Variants in SGO2 observed in about 807,000 individuals in gnomAD.
SGO2 encodes shugoshin-like 2.
In SGO2, 68 loss-of-function variants were observed where a neutral mutation model predicts 99.5. The observed-to-expected ratio is 0.68, with a 90% CI of 0.56 to 0.84. The LOEUF (loss-of-function observed/expected upper bound fraction) is 0.84, where lower values mean the gene tolerates loss of function less well. Ranked by LOEUF, SGO2 falls within the 40% of genes least tolerant of loss-of-function variation. SGO2 has a pLI of 0.00. For missense variants in SGO2, 1,350 were observed against 1,436.7 expected (o/e 0.94, Z 0.97); for synonymous variants, 457 against 487.1 (o/e 0.94, Z 0.81).
rs200419277 is a variant in SGO2, at chr2:200,572,548, T to G, written c.2202T>G (p.Ser734Arg). Residue 734 changes from serine to arginine, a missense_variant, in exon 7 of 9, where the codon AGT becomes AGG. Transcript: ENST00000357799. ...SEVNHLDNDK[S>R]IEYTVKSHSL... ...TGAATCATTTAGATAATGACAAAAG[T>G]ATAGAATACACAGTTAAAAGTCACT... 189 of 1,612,064 alleles carry G rather than the reference T, an allele frequency of 1.2e-4. No homozygotes were observed. The African/African-American group carries it at 2.2e-3, about 19-fold the overall frequency.
At chr2:200,578,805 G>A (rs112359027) in intron 8 of SGO2, among the ~76,000 whole-genome samples, 31 of 152,218 alleles carry the variant, frequency 2.0e-4, no homozygotes, top group Middle Eastern at 3.4e-3. Context: ...TGTCTGGTAG[G>A]GCTAGTATCC....
At chr2:200,569,976 C>T in intron 6 of SGO2, 84 bp downstream of exon 6, 1 of 882,134 alleles carries the variant, frequency 1.1e-6, no homozygotes, top group African/African-American at 1.7e-5. Flanking sequence ...TTATGTATAA[C>T]AGTTAATAAG....
rs1295974250 is a variant in SGO2, at chr2:200,526,217, C to G, written c.-38C>G. 6.6e-6 allele frequency: 1 copy of G among 152,500 alleles called. No individual in the cohort carries two copies. The highest frequency in any genetic ancestry group is 1.5e-5 in the Non-Finnish European group (1 of 68,250). 9.4% of individuals were successfully genotyped at this position (152,500 alleles called of 1,614,324 possible). ...CAGCCGCTGCTGCTCGCCGAGCTCCCGGAGCTGGGTGGGGGTGCCCCACGC... is the reference window on the plus strand; with the variant it reads ...CAGCCGCTGCTGCTCGCCGAGCTCCGGGAGCTGGGTGGGGGTGCCCCACGC... On this transcript the variant is annotated 5_prime_UTR_variant, in exon 1 of 9. Transcript: ENST00000357799. The surrounding 1 kb of genome is among the most constrained non-coding windows in gnomAD (Gnocchi z 4.8).
At chr2:200,565,279 T>G (rs1218999868) in intron 5 of SGO2, among the ~76,000 whole-genome samples, 1 of 152,200 alleles carries the variant, frequency 6.6e-6, no homozygotes, top group East Asian at 1.9e-4. Flanking sequence ...TCGCTCAGTA[T>G]TTGCTTGTCT....
chr2:200,535,573 A>G (rs185097507), intron 3 of SGO2, among the ~76,000 whole-genome samples: 42 of 152,282 alleles, frequency 2.8e-4, no homozygotes, highest in Non-Finnish European at 1.8e-4. Flanking sequence ...AATGAGAATT[A>G]TAGTTGTTTC....
At chr2:200,564,058 C>T (rs886691532) in intron 5 of SGO2, among the ~76,000 whole-genome samples, 14 of 152,190 alleles carry the variant, frequency 9.2e-5, no homozygotes, top group African/African-American at 3.4e-4. Flanking sequence ...GTCTCTATCT[C>T]CTTCAGTTCT....
At chr2:200,557,398 G>A (rs1290275081) in intron 5 of SGO2, among the ~76,000 whole-genome samples, 1 of 152,096 alleles carries the variant, frequency 6.6e-6, no homozygotes, top group Non-Finnish European at 1.5e-5. Context: ...ACCCAAAGTT[G>A]GCCAATTGGT....
rs1418081070 is a variant in SGO2 at position 200,571,358 on chromosome 2, A to G, written c.1012A>G (p.Arg338Gly). The change falls in exon 7 of 9, where the codon AGA becomes GGA. Residue 338 changes from arginine to glycine, a missense_variant. Arg to Gly is a moderately radical substitution (Grantham distance 125). Transcript: ENST00000357799. The stretch of plus-strand genomic sequence containing the variant: ...TCCTGGCTTATCTTCTGAGTCTGCC[A>G]GAGAACCTAATGCAGAGTGCATGAA... The part of the protein sequence containing the change: ...DLPGLSSESA[R>G]EPNAECMNQI... 2.5e-6 allele frequency: 4 copies of G among 1,612,798 alleles called. No individual in the cohort carries two copies. The highest frequency in any genetic ancestry group is 2.7e-5 in the African/African-American group (2 of 75,036).
rs2106295415 is a variant in SGO2 at position 200,526,678 on chromosome 2, C to T, written c.-3+426C>T. ...CTCGTTTGGAGAGGCTGGCTGAAGG[C>T]GAAGGGGTGATGGAAGACTAGGGAG... On this transcript the variant is annotated intron_variant, in intron 1 of 8. Transcript: ENST00000357799. This position sits in a 1 kb window ranked among gnomAD's most constrained non-coding sequence, Gnocchi z 4.8. Among the ~76,000 whole-genome samples the T allele has an allele frequency of 6.6e-6, 1 of 152,056 alleles. No individual in the cohort carries two copies. The highest frequency in any genetic ancestry group is 2.4e-5 in the African/African-American group (1 of 41,458).
chr2:200,572,112 T>C lies in SGO2; in HGVS notation c.1766T>C (p.Ile589Thr). ...GNLCDYGTHN[I>T]LDLKKYVTDI... ...TTATGTGATTATGGGACCCACAATA[T>C]ATTGGATTTGAAAAAGTATGTCACT... is the stretch of plus-strand genomic sequence containing the variant. The change falls in exon 7 of 9, where the codon ATA (isoleucine) becomes ACA (threonine). Residue 589 changes from isoleucine (I) to threonine (T), a missense_variant. Ile to Thr is a moderately conservative substitution (Grantham distance 89, BLOSUM62 -1). Coordinates refer to ENST00000357799, the MANE Select transcript of SGO2 (RefSeq NM_152524.6). 1 of 1,613,154 alleles carries C rather than the reference T, an allele frequency of 6.2e-7. No homozygotes were observed. Among genetic ancestry groups the C allele is most frequent in the Non-Finnish European group, 8.5e-7 (1 of 1,179,524 alleles).
At position 200,557,469 on chromosome 2, in the gene SGO2, A is replaced by C. The variant is rs367571729; in HGVS notation, c.474-12194A>C. 9.7e-4 allele frequency among the ~76,000 whole-genome samples: 148 copies of C among 152,222 alleles called. 1 individual carries two copies. Among genetic ancestry groups the C allele is most frequent in the African/African-American group, 3.5e-3 (145 of 41,526 alleles). The stretch of plus-strand genomic sequence containing the variant: ...CAGTATCATCCCTTCATGGTTTGCC[A>C]AGAAGATGTTATTGGAAAGCGTCCT... On this transcript the variant is annotated intron_variant, in intron 5 of 8. Transcript: ENST00000357799.
intron 1 of SGO2, among the ~76,000 whole-genome samples, chr2:200,527,098 C>T (rs377438944): frequency 3.1e-4 from 47 of 152,278 alleles, no homozygotes; most frequent in African/African-American, 1.1e-3. Flanking sequence ...GTAAATCACC[C>T]TGGAACAGTA....
intron 5 of SGO2, among the ~76,000 whole-genome samples, chr2:200,563,090 C>T (rs1164368059): frequency 6.6e-6 from 1 of 152,160 alleles, no homozygotes; most frequent in Non-Finnish European, 1.5e-5. Context: ...GAACTTCCAA[C>T]ACTATGTTGA....
At chr2:200,564,123 T>G (rs990943184) in intron 5 of SGO2, among the ~76,000 whole-genome samples, 5 of 152,242 alleles carry the variant, frequency 3.3e-5, no homozygotes, top group Admixed American at 2.0e-4. Context: ...TGTTTGCTCT[T>G]GCTTCTCTAG....
At chr2:200,574,700 T>C (rs2033586136) in intron 7 of SGO2, among the ~76,000 whole-genome samples, 1 of 151,686 alleles carries the variant, frequency 6.6e-6, no homozygotes, top group South Asian at 2.1e-4. Flanking sequence ...AAGTAGAGAG[T>C]CAGAAAAAGG....
intron 1 of SGO2, among the ~76,000 whole-genome samples, chr2:200,530,469 C>T (rs186749375): frequency 1.3e-3 from 198 of 152,264 alleles, no homozygotes; most frequent in Non-Finnish European, 9.6e-4. Flanking sequence ...CAGCTGGATA[C>T]ATGAATCCAG....
intron 5 of SGO2, among the ~76,000 whole-genome samples, chr2:200,554,582 G>A (rs1322764574): frequency 1.3e-5 from 2 of 152,126 alleles, no homozygotes; most frequent in Non-Finnish European, 2.9e-5. Flanking sequence ...GGAAATTTTG[G>A]TTTCTTCTAT....
At chr2:200,567,027 C>T (rs558041376) in intron 5 of SGO2, among the ~76,000 whole-genome samples, 34 of 152,318 alleles carry the variant, frequency 2.2e-4, no homozygotes, top group South Asian at 1.0e-3. Flanking sequence ...CCAGGTGAGG[C>T]GATGCCTTGC....
At position 200,573,084 on chromosome 2, in the gene SGO2, A is replaced by G; in HGVS notation, c.2738A>G (p.Lys913Arg). Reference protein sequence around the residue: ...INKLRNKVNWKTEIISEMNQI... With the variant: ...INKLRNKVNWRTEIISEMNQI... ...AAGCTCAGGAATAAAGTGAATTGGA[A>G]GACAGAAATAATTTCTGAAATGAAC... The change falls in exon 7 of 9, where the codon AAG becomes AGG. Residue 913 changes from lysine to arginine, a missense_variant. By Grantham distance (26) the Lys-to-Arg change is conservative. Coordinates refer to ENST00000357799, the MANE Select transcript of SGO2 (RefSeq NM_152524.6). The G allele has an allele frequency of 1.3e-6, 2 of 1,578,490 alleles. No homozygotes were observed. The highest frequency in any genetic ancestry group is 1.7e-6 in the Non-Finnish European group (2 of 1,170,364).
Sources: allele counts gnomAD v4.1 joint callset (sites outside exome capture counted in the v4.1 genomes callset), GRCh38; gene constraint gnomAD v4.1.1; non-coding constraint Gnocchi (gnomAD v3.1); transcripts MANE v1.5; gene names NCBI Gene and HGNC (gene_info 2026-07-23, HGNC 2026-07-21).